Variants in ZC3H7A observed in about 807,000 individuals in gnomAD.
The protein encoded by ZC3H7A is zinc finger CCCH-type containing 7A.
Under a neutral mutation model 125.5 loss-of-function variants are expected in ZC3H7A, and 44 were observed. The observed-to-expected ratio is 0.35, with a 90% CI of 0.28 to 0.45. ZC3H7A has a LOEUF of 0.45. Ranked by LOEUF, ZC3H7A falls within the 20% of genes least tolerant of loss-of-function variation. The pLI is 1.00. For missense variants in ZC3H7A, 977 were observed against 1,170.7 expected (o/e 0.83, Z 2.41); for synonymous variants, 399 against 391.2 (o/e 1.02, Z -0.23).
intron 1 of ZC3H7A, among the ~76,000 whole-genome samples, chr16:11,790,470 A>AT (rs1257415389): frequency 6.6e-6 from 1 of 152,004 alleles, no homozygotes; most frequent in South Asian, 2.1e-4. Flanking sequence ...TGTTATTGGT[A>AT]TTTTTTCCAA....
chr16:11,778,471 G>C (rs969061503), intron 4 of ZC3H7A, among the ~76,000 whole-genome samples: 3 of 148,858 alleles, frequency 2.0e-5, no homozygotes, highest in Non-Finnish European at 4.5e-5. Context: ...ACTCGTAAGA[G>C]TGTTTTTTAC....
In ZC3H7A at chr16:11,777,512, G is replaced by A. The variant is rs184517901; in HGVS notation, c.307-603C>T. 3.5e-4 allele frequency among the ~76,000 whole-genome samples: 53 copies of A among 152,268 alleles called. 1 individual carries two copies. The highest frequency in any genetic ancestry group is 5.7e-4 in the Non-Finnish European group (39 of 68,018). On this transcript the variant is annotated intron_variant, in intron 4 of 22. Transcript: ENST00000355758. ...GAGGTGGGTGGATCACCTGAGGTCA[G>A]GAGTTCGAGACCAGCCTGGCCAACA...
intron 1 of ZC3H7A, among the ~76,000 whole-genome samples, chr16:11,787,441 C>A (rs891091745): frequency 6.6e-6 from 1 of 152,118 alleles, no homozygotes; most frequent in South Asian, 2.1e-4. Flanking sequence ...CCCCAACACA[C>A]ACCCCTTTGT....
chr16:11,765,662 T>C lies in ZC3H7A; in HGVS notation c.1546A>G (p.Arg516Gly). 1 of 1,613,610 alleles carries C rather than the reference T, an allele frequency of 6.2e-7. No individual in the cohort carries two copies. Among genetic ancestry groups the C allele is most frequent in the East Asian group, 2.2e-5 (1 of 44,860 alleles). The change falls in exon 14 of 23, where the codon AGA (arginine) becomes GGA (glycine). Residue 516 changes from arginine (R) to glycine (G), a missense_variant. Arg to Gly is a moderately radical substitution (Grantham distance 125). Coordinates refer to ENST00000355758, the MANE Select transcript of ZC3H7A (RefSeq NM_014153.4). The surrounding 1 kb of genome is among the most constrained non-coding windows in gnomAD (Gnocchi z 4.8). ...GCAAACGTGCAGTGGCCTGAATATC[T>C]ACATTCCTCCTCAGCAGCAACATCT... ...CKDVAAEEEC[R>G]YSGHCTFAYC...
At chr16:11,762,935 C>A in intron 16 of ZC3H7A, 188 bp from the exon 17 acceptor site, 1 of 511,632 alleles carries the variant, frequency 2.0e-6, no homozygotes, top group Non-Finnish European at 3.4e-6. Flanking sequence ...CTCTTTGTGC[C>A]TTCTGAGGAA....
intron 9 of ZC3H7A, among the ~76,000 whole-genome samples, chr16:11,771,260 C>T (rs1051355779): frequency 1.3e-5 from 2 of 151,908 alleles, no homozygotes; most frequent in Non-Finnish European, 2.9e-5. Context: ...TGGTGGCATG[C>T]GCCTGTAGTC....
At chr16:11,794,371 TG>T (rs2053400039) in intron 1 of ZC3H7A, among the ~76,000 whole-genome samples, 1 of 152,234 alleles carries the variant, frequency 6.6e-6, no homozygotes, top group African/African-American at 2.4e-5. Flanking sequence ...ATATGCCTTT[TG>T]TGTACATGTA....
At position 11,770,931 on chromosome 16, in the gene ZC3H7A, G is replaced by A. The variant is rs752995740; in HGVS notation, c.960C>T (p.Pro320=). 1 of 1,613,760 alleles carries A rather than the reference G, an allele frequency of 6.2e-7. No individual in the cohort carries two copies. The highest frequency in any genetic ancestry group is 8.5e-7 in the Non-Finnish European group (1 of 1,179,892). ...AGGTTCCTAACAGCGATGCCGAAAA[G>A]GGCATGCTAGGAGAGACACTGGCTG... The part of the protein sequence containing the change: ...LQTASVSPSM[P]FSASLLGTLP... Residue 320 remains proline, a synonymous_variant, in exon 10 of 23, where the codon CCC becomes CCT. Transcript: ENST00000355758.
intron 1 of ZC3H7A, 80 bp downstream of exon 1, chr16:11,797,044 A>G (rs1439383434): frequency 7.1e-6 from 1 of 141,354 alleles, no homozygotes; most frequent in African/African-American, 2.5e-5. Context: ...CGCGAGCACG[A>G]GGCGGCGGCG....
intron 15 of ZC3H7A, 149 bp from the exon 16 acceptor site, chr16:11,763,808 T>C (rs1330058728): frequency 4.6e-6 from 1 of 216,762 alleles, no homozygotes; most frequent in Non-Finnish European, 7.1e-6. Context: ...TTTTTTTTTC[T>C]CTTTTTTTTT....
chr16:11,765,042 T>C lies in ZC3H7A; in HGVS notation c.1820+11A>G. On this transcript the variant is annotated intron_variant, in intron 15 of 22. Transcript: ENST00000355758. The surrounding 1 kb of genome is among the most constrained non-coding windows in gnomAD (Gnocchi z 4.8). ...TTTTGTCATTACAGAAATTAGAAAC[T>C]ATCAACATACTTATTGTCTTCAAAC... 1 of 1,513,102 alleles carries C rather than the reference T, an allele frequency of 6.6e-7. No homozygotes were observed. Among genetic ancestry groups the C allele is most frequent in the Non-Finnish European group, 9.0e-7 (1 of 1,116,822 alleles). The allele number at this position is 1,513,102 out of a possible 1,614,324, so 93.7% of individuals were successfully genotyped here.
chr16:11,763,445 G>C, intron 16 of ZC3H7A, 33 bp downstream of exon 16: 1 of 1,577,264 alleles, frequency 6.3e-7, no homozygotes, highest in South Asian at 1.2e-5. Context: ...CTGCTCTTGA[G>C]GAGACATACT....
chr16:11,750,953 G>T lies in ZC3H7A; in HGVS notation c.*364C>A. 6.2e-6 allele frequency: 1 copy of T among 162,292 alleles called. No homozygotes were observed. Among genetic ancestry groups the T allele is most frequent in the Non-Finnish European group, 1.3e-5 (1 of 75,020 alleles). 10.1% of individuals were successfully genotyped at this position (162,292 alleles called of 1,614,324 possible). A position where few individuals can be genotyped will look rare whatever the true frequency, so the allele number is the denominator to read the frequency against. The stretch of plus-strand genomic sequence containing the variant: ...ACATGTAAAGAATTTCATCCATCAT[G>T]TATTCTGATCCCAGTACAAGTGTTT... On this transcript the variant is annotated 3_prime_UTR_variant, in exon 23 of 23. Coordinates refer to ENST00000355758, the MANE Select transcript of ZC3H7A (RefSeq NM_014153.4).
At chr16:11,790,038 G>A (rs1012644712) in intron 1 of ZC3H7A, among the ~76,000 whole-genome samples, 6 of 131,920 alleles carry the variant, frequency 4.5e-5, no homozygotes, top group African/African-American at 1.8e-4. Flanking sequence ...CAAAGATCAT[G>A]CCACTGCATT....
intron 21 of ZC3H7A, among the ~76,000 whole-genome samples, chr16:11,754,692 G>A (rs1436759585): frequency 6.6e-6 from 1 of 151,904 alleles, no homozygotes; most frequent in East Asian, 1.9e-4. Flanking sequence ...AGGAGTTTGA[G>A]ACCAGCCTGA....
chr16:11,766,566 A>G (rs1174829296), intron 13 of ZC3H7A, among the ~76,000 whole-genome samples: 1 of 152,146 alleles, frequency 6.6e-6, no homozygotes, highest in East Asian at 1.9e-4. Flanking sequence ...ACTCTGTCAC[A>G]AAAAATTGAG....
Position 11,758,459 on chromosome 16 carries a change from T to G in ZC3H7A, c.2400A>C (p.Glu800Asp), listed in dbSNP as rs748413623. The change falls in exon 20 of 23, where the codon GAA becomes GAC. Residue 800 changes from glutamate (E) to aspartate (D), a missense_variant. This residue lies in a region of ZC3H7A where 436 missense variants were observed against 603.2 expected (regional missense o/e 0.72). Coordinates refer to ENST00000355758, the MANE Select transcript of ZC3H7A (RefSeq NM_014153.4). The stretch of plus-strand genomic sequence containing the variant: ...CATTCTCCTTCATGTAAGTCCAAAC[T>G]TCTCTTTCCTCAGGACTATGAGCAA... ...CSFAHSPEEREVWTYMKENGI... is the reference protein window; with the variant it reads ...CSFAHSPEERDVWTYMKENGI... 1 of 1,613,764 alleles carries G rather than the reference T, an allele frequency of 6.2e-7. No homozygotes were observed. Among genetic ancestry groups the G allele is most frequent in the Admixed American group, 1.7e-5 (1 of 60,014 alleles).
At chr16:11,776,239 C>T (rs1460475370) in intron 7 of ZC3H7A, 81 bp downstream of exon 7, 5 of 1,402,606 alleles carry the variant, frequency 3.6e-6, no homozygotes, top group Non-Finnish European at 3.9e-6. Flanking sequence ...AATAAACACA[C>T]ACCAAAAATA....
At chr16:11,751,833 G>C (rs2052557371) in intron 22 of ZC3H7A, among the ~76,000 whole-genome samples, 1 of 151,794 alleles carries the variant, frequency 6.6e-6, no homozygotes, top group South Asian at 2.1e-4. Context: ...ATCTAAATTA[G>C]GGAATTAAAT....
Sources: allele counts gnomAD v4.1 joint callset (sites outside exome capture counted in the v4.1 genomes callset), GRCh38; gene constraint gnomAD v4.1.1; regional missense constraint gnomAD v4.1.1; non-coding constraint Gnocchi (gnomAD v3.1); transcripts MANE v1.5; gene names NCBI Gene and HGNC (gene_info 2026-07-23, HGNC 2026-07-21).